The following KNTC1 variants were observed in gnomAD, a reference collection of about 807,000 sequenced individuals.
KNTC1 encodes kinetochore-associated protein 1.
Under a neutral mutation model 314.4 loss-of-function variants are expected in KNTC1, and 253 were observed. The ratio of observed to expected loss-of-function variants is 0.80; its 90% CI spans 0.73 to 0.89. The LOEUF is 0.89. Ranked by LOEUF, KNTC1 falls within the 40% of genes least tolerant of loss-of-function variation. The pLI is 0.00. For synonymous variants in KNTC1, 901 were observed against 901.4 expected (o/e 1.00, Z 0.01); for missense variants, 2,475 against 2,572.9 (o/e 0.96, Z 0.82).
intron 57 of KNTC1, 86 bp downstream of exon 57, chr12:122,615,612 G>T: frequency 8.0e-7 from 1 of 1,251,028 alleles, no homozygotes; most frequent in Non-Finnish European, 1.1e-6. Context: ...GGATTAAGCA[G>T]TCAGCTCCTT....
intron 35 of KNTC1, 141 bp downstream of exon 35, chr12:122,584,591 A>G: frequency 1.6e-6 from 1 of 610,084 alleles, no homozygotes; most frequent in South Asian, 2.4e-5. Flanking sequence ...GATGCTTATA[A>G]TTGATTCTCT....
At chr12:122,610,165 C>G (rs1168933728) in intron 52 of KNTC1, among the ~76,000 whole-genome samples, 1 of 152,210 alleles carries the variant, frequency 6.6e-6, no homozygotes, top group Non-Finnish European at 1.5e-5. Context: ...CTCTTTCCCT[C>G]TGGACCCGCA....
In KNTC1 at chr12:122,551,708, T is replaced by C. The variant is rs1435502090; in HGVS notation, c.1272+12T>C. ...GACTAGATGTTGAGGTAATCATTCA[T>C]GTATTCATTTGTTCACCAAACAAGC... is the stretch of plus-strand genomic sequence containing the variant. On this transcript the variant is annotated intron_variant, in intron 16 of 63. Transcript: ENST00000333479. The C allele has an allele frequency of 3.1e-6, 5 of 1,589,786 alleles. No individual in the cohort carries two copies. Among genetic ancestry groups the C allele is most frequent in the Non-Finnish European group, 1.7e-6 (2 of 1,157,990 alleles).
At chr12:122,604,209 G>A (rs35825023) in intron 48 of KNTC1, among the ~76,000 whole-genome samples, 28,576 of 131,744 alleles carry the variant, frequency 0.22, 3,264 homozygotes, top group East Asian at 0.46. Flanking sequence ...GTCTTGCTCT[G>A]TCGCCCAGTT....
intron 44 of KNTC1, among the ~76,000 whole-genome samples, chr12:122,598,577 T>A (rs1480792830): frequency 6.6e-6 from 1 of 151,774 alleles, no homozygotes; most frequent in African/African-American, 2.4e-5. Context: ...TGCACCATCA[T>A]GCCTGGCTCA....
intron 16 of KNTC1, among the ~76,000 whole-genome samples, chr12:122,554,076 A>AAAAAATATATAT (rs370146333): frequency 4.6e-5 from 5 of 109,046 alleles, no homozygotes; most frequent in African/African-American, 1.9e-4. Context: ...AAAAAAAAAA[A>AAAAAATATATAT]ATATATATAT....
At chr12:122,570,633 G>C (rs1964624119) in intron 22 of KNTC1, among the ~76,000 whole-genome samples, 1 of 151,976 alleles carries the variant, frequency 6.6e-6, no homozygotes, top group African/African-American at 2.4e-5. Context: ...TAACACAAAG[G>C]GGATGGATAC....
intron 46 of KNTC1, 31 bp downstream of exon 46, chr12:122,602,771 A>ATAAT: frequency 6.2e-7 from 1 of 1,611,576 alleles, no homozygotes; most frequent in Non-Finnish European, 8.5e-7. Context: ...TATGAATTTT[A>ATAAT]CTGGATAGCC....
At chr12:122,578,459 G>T (rs186342938) in intron 31 of KNTC1, among the ~76,000 whole-genome samples, 1 of 151,366 alleles carries the variant, frequency 6.6e-6, no homozygotes, top group Non-Finnish European at 1.5e-5. Flanking sequence ...GTCTTGCTCT[G>T]TTGCTCAGGC....
intron 16 of KNTC1, among the ~76,000 whole-genome samples, chr12:122,552,958 G>A (rs1963302898): frequency 6.6e-6 from 1 of 152,050 alleles, no homozygotes; most frequent in African/African-American, 2.4e-5. Context: ...TTCAAGACCA[G>A]CCTGGGCAAT....
At chr12:122,584,040 G>C (rs1345386345) in intron 34 of KNTC1, among the ~76,000 whole-genome samples, 1 of 152,048 alleles carries the variant, frequency 6.6e-6, no homozygotes. Context: ...TGAGAAGATT[G>C]CTTGACCCTG....
chr12:122,559,712 A>G (rs1963851770), intron 18 of KNTC1, among the ~76,000 whole-genome samples: 1 of 152,072 alleles, frequency 6.6e-6, no homozygotes, highest in South Asian at 2.1e-4. Flanking sequence ...AGCTGAGATT[A>G]CAGGCTCCCG....
chr12:122,604,194 A>G (rs1872319807), intron 48 of KNTC1, among the ~76,000 whole-genome samples: 2 of 134,292 alleles, frequency 1.5e-5, no homozygotes, highest in Non-Finnish European at 3.1e-5. Context: ...TTTTTTTTTA[A>G]CAGAGTCTTG....
rs553745916 is a variant in KNTC1, at chr12:122,546,279, G to A, written c.763+10G>A. 1.4e-6 allele frequency: 2 copies of A among 1,472,414 alleles called. No individual in the cohort carries two copies. Among genetic ancestry groups the A allele is most frequent in the African/African-American group, 1.4e-5 (1 of 71,772 alleles). 91.2% of individuals were successfully genotyped at this position (1,472,414 alleles called of 1,614,324 possible). On this transcript the variant is annotated intron_variant, in intron 9 of 63. Coordinates refer to ENST00000333479, the MANE Select transcript of KNTC1 (RefSeq NM_014708.6). ...GCAGAGATTATTAAAGGTAAAATAA[G>A]TTAATGAAACTACTTTAGACAATTA...
chr12:122,566,884 C>G (rs1374211583), intron 20 of KNTC1, among the ~76,000 whole-genome samples: 1 of 146,878 alleles, frequency 6.8e-6, no homozygotes, highest in African/African-American at 2.5e-5. Flanking sequence ...GCTGGGATTA[C>G]AGGTGAGCAC....
chr12:122,581,652 A>G (rs1012084109), intron 33 of KNTC1, among the ~76,000 whole-genome samples: 5 of 151,054 alleles, frequency 3.3e-5, no homozygotes, highest in Non-Finnish European at 7.4e-5. Context: ...GTGCCACCAC[A>G]CCTAGCTAGT....
intron 45 of KNTC1, 65 bp downstream of exon 45, chr12:122,601,690 T>C (rs1566006471): frequency 7.3e-7 from 1 of 1,371,412 alleles, no homozygotes; most frequent in African/African-American, 1.5e-5. Flanking sequence ...ATAAATCATA[T>C]CATTATCCAG....
chr12:122,591,231 C>T (rs1870146411), intron 41 of KNTC1, 106 bp from the exon 42 acceptor site: 5 of 736,250 alleles, frequency 6.8e-6, no homozygotes, highest in South Asian at 4.5e-5. Flanking sequence ...ACATTCTACA[C>T]GGTTGATCAC....
At position 122,531,276 on chromosome 12, in the gene KNTC1, G is replaced by A. The variant is rs533655972; in HGVS notation, c.129+1084G>A. Among the ~76,000 whole-genome samples, 13 of 151,920 alleles carry A rather than the reference G, an allele frequency of 8.6e-5. No individual in the cohort carries two copies. The East Asian group carries it at 1.4e-3, about 16-fold the overall frequency. On this transcript the variant is annotated intron_variant, in intron 2 of 63. Transcript: ENST00000333479. ...TCTTGCTGTGGTGCTATCTCGGCTCGGCTCACTGCAACCTCTGCCTCCTGG... is the reference window on the plus strand; with the variant it reads ...TCTTGCTGTGGTGCTATCTCGGCTCAGCTCACTGCAACCTCTGCCTCCTGG...
Sources: gnomAD v4.1 joint callset for allele counts (sites outside exome capture counted in the v4.1 genomes callset) on GRCh38, gnomAD v4.1.1 for gene constraint, MANE v1.5 for transcripts, NCBI Gene and HGNC (gene_info 2026-07-23, HGNC 2026-07-21) for gene names.